HAUS4: variants seen among roughly 807,000 people sequenced by gnomAD.
The protein encoded by HAUS4 is HAUS augmin-like complex subunit 4.
Under a neutral mutation model 50.6 loss-of-function variants are expected in HAUS4, and 34 were observed. The observed-to-expected ratio is 0.67, with a 90% CI of 0.51 to 0.90. The LOEUF (loss-of-function observed/expected upper bound fraction) is 0.90. Among genes scored for constraint, HAUS4 ranks in the 40% least tolerant of loss-of-function variants. The pLI is 0.00. For missense variants in HAUS4, 370 were observed against 428.7 expected (o/e 0.86, Z 1.21); for synonymous variants, 149 against 161.4 (o/e 0.92, Z 0.58).
At chr14:22,950,137 A>C (rs534935621) in intron 6 of HAUS4, among the ~76,000 whole-genome samples, 177 bp downstream of exon 6, 50 of 151,788 alleles carry the variant, frequency 3.3e-4, no homozygotes, top group African/African-American at 5.8e-4. Context: ...TCAAAAAAAA[A>C]AAAAAACAAA....
chr14:22,949,446 G>T (rs565950678), intron 6 of HAUS4, among the ~76,000 whole-genome samples: 57 of 148,988 alleles, frequency 3.8e-4, no homozygotes, highest in African/African-American at 1.3e-3. Flanking sequence ...GGAGAATGGC[G>T]TGAACCTAGG....
chr14:22,954,247 T>C (rs1233956405), intron 2 of HAUS4: 1 of 152,220 alleles, frequency 6.6e-6, no homozygotes, highest in Non-Finnish European at 1.5e-5. Context: ...TACCTCTACT[T>C]GCCAAAACAC....
chr14:22,950,928 AT>A (rs1258727964), intron 5 of HAUS4, among the ~76,000 whole-genome samples: 2 of 152,246 alleles, frequency 1.3e-5, no homozygotes, highest in African/African-American at 4.8e-5. Flanking sequence ...TAACAGTGCT[AT>A]AGAAGCTATC....
In HAUS4 at chr14:22,955,156, T is replaced by C. The variant is rs769688282; in HGVS notation, c.-2A>G. On this transcript the variant is annotated 5_prime_UTR_variant, in exon 2 of 10. Coordinates refer to ENST00000541587, the MANE Select transcript of HAUS4 (RefSeq NM_001166269.2). The stretch of plus-strand genomic sequence containing the variant: ...TGAGCAGAAATCCCCGGATGCCATT[T>C]GATTTTCTTGGGATTCTAATCTGTG... 5 of 1,609,148 alleles carry C rather than the reference T, an allele frequency of 3.1e-6. No individual in the cohort carries two copies. Among genetic ancestry groups the C allele is most frequent in the Middle Eastern group, 3.3e-4 (2 of 6,054 alleles).
At chr14:22,951,453 T>C (rs2044750776) in intron 5 of HAUS4, 102 bp downstream of exon 5, 1 of 1,353,130 alleles carries the variant, frequency 7.4e-7, no homozygotes, top group Non-Finnish European at 1.0e-6. Context: ...TGAATGTGTA[T>C]CATTTTTACA....
chr14:22,948,577 C>T (rs1010036651), intron 6 of HAUS4, among the ~76,000 whole-genome samples: 3 of 151,756 alleles, frequency 2.0e-5, no homozygotes, highest in African/African-American at 7.3e-5. Flanking sequence ...TCACTGTCAC[C>T]TCGGCCGGAG....
chr14:22,948,252 C>T (rs989205471), intron 6 of HAUS4: 9 of 484,814 alleles, frequency 1.9e-5, no homozygotes, highest in African/African-American at 1.2e-4. Context: ...AGTTCAAGAC[C>T]GGCTTGGGCA....
chr14:22,946,784 T>TTC, intron 9 of HAUS4, 76 bp from the exon 10 acceptor site: 2 of 841,474 alleles, frequency 2.4e-6, no homozygotes, highest in Non-Finnish European at 3.4e-6. Flanking sequence ...TGAAAAACTT[T>TTC]TTTTTTTTTT....
chr14:22,947,601 C>G lies in HAUS4; in HGVS notation c.839G>C (p.Arg280Thr). The G allele has an allele frequency of 6.2e-7, 1 of 1,614,094 alleles. No homozygotes were observed. Among genetic ancestry groups the G allele is most frequent in the South Asian group, 1.1e-5 (1 of 91,070 alleles). ...VKCGAMILKLRMEELKILSDT... is the reference protein window; with the variant it reads ...VKCGAMILKLTMEELKILSDT... Reference sequence around the variant, plus strand: ...AAGATCCACAGGGGTCACAGCTCACCTCAGCTTAAGGATCATAGCACCGCA... The same window carrying G: ...AAGATCCACAGGGGTCACAGCTCACGTCAGCTTAAGGATCATAGCACCGCA... Residue 280 changes from arginine to threonine, a missense_variant and splice_region_variant, in exon 8 of 10, where the codon AGG (arginine) becomes ACG (threonine). Arg to Thr is a moderately conservative substitution (Grantham distance 71, BLOSUM62 -1). Transcript: ENST00000541587.
Position 22,955,140 on chromosome 14 carries a change from A to G in HAUS4, c.15T>C (p.Asp5=). Residue 5 remains aspartate, a synonymous_variant, in exon 2 of 10, where the codon GAT becomes GAC. Transcript: ENST00000541587. MASG[D]FCSPGEGMEI... is the part of the protein sequence containing the mutation. ...CCATCCCTTCTCCAGGTGAGCAGAA[A>G]TCCCCGGATGCCATTTGATTTTCTT... 6.2e-7 allele frequency: 1 copy of G among 1,611,928 alleles called. No individual in the cohort carries two copies.
intron 5 of HAUS4, 125 bp downstream of exon 5, chr14:22,951,430 A>G: frequency 9.4e-7 from 1 of 1,067,800 alleles, no homozygotes. Context: ...TTCTTATTTG[A>G]GTCTGACCAC....
At chr14:22,951,269 T>C (rs1297209132) in intron 5 of HAUS4, among the ~76,000 whole-genome samples, 1 of 151,944 alleles carries the variant, frequency 6.6e-6, no homozygotes, top group African/African-American at 2.4e-5. Context: ...CCTCCCAAAG[T>C]GCTACGATTA....
chr14:22,952,636 A>G lies in HAUS4; in HGVS notation c.103T>C (p.Leu35=). The G allele has an allele frequency of 1.2e-6, 2 of 1,613,408 alleles. No individual in the cohort carries two copies. The highest frequency in any genetic ancestry group is 4.5e-5 in the East Asian group (2 of 44,888). The part of the protein sequence containing the change: ...PPCNLSKEDL[L]QNPYFSKLLL... ...AGCTTGCTGAAGTATGGGTTCTGTA[A>G]CAGGTCCTCTTTACTCAGGTTACAA... is the stretch of plus-strand genomic sequence containing the variant. The change falls in exon 3 of 10, where the codon TTA becomes CTA. Residue 35 remains leucine (L), a synonymous_variant. Coordinates refer to ENST00000541587, the MANE Select transcript of HAUS4 (RefSeq NM_001166269.2).
Position 22,947,904 on chromosome 14 carries a change from C to T in HAUS4, c.672G>A (p.Met224Ile). Residue 224 changes from methionine (M) to isoleucine (I), a missense_variant, in exon 7 of 10, where the codon ATG (methionine) becomes ATA (isoleucine). By Grantham distance (10) the Met-to-Ile change is conservative. Coordinates refer to ENST00000541587, the MANE Select transcript of HAUS4 (RefSeq NM_001166269.2). ...CAGCACTCTTCTTCTCCAGCAGCAA[C>T]ATCTGCTCCTTCTGCTGGCTCTTGG... is the stretch of plus-strand genomic sequence containing the variant. ...QDAKSQQKEQ[M>I]LLLEKKSAAY... The T allele has an allele frequency of 6.2e-7, 1 of 1,614,120 alleles. No individual in the cohort carries two copies. Among genetic ancestry groups the T allele is most frequent in the Non-Finnish European group, 8.5e-7 (1 of 1,179,984 alleles).
chr14:22,947,926 T>G lies in HAUS4; in HGVS notation c.650A>C (p.Lys217Thr). Residue 217 changes from lysine (K) to threonine (T), a missense_variant, in exon 7 of 10, where the codon AAG becomes ACG. Coordinates refer to ENST00000541587, the MANE Select transcript of HAUS4 (RefSeq NM_001166269.2). ...CAACATCTGCTCCTTCTGCTGGCTC[T>G]TGGCATCCTGGCACTGCTGCTGCTC... is the stretch of plus-strand genomic sequence containing the variant. ...VGEQQQCQDA[K>T]SQQKEQMLLL... 1 of 1,614,146 alleles carries G rather than the reference T, an allele frequency of 6.2e-7. No individual in the cohort carries two copies. Among genetic ancestry groups the G allele is most frequent in the Non-Finnish European group, 8.5e-7 (1 of 1,180,012 alleles).
In HAUS4 at chr14:22,951,543, C is replaced by G. The variant is rs756450597; in HGVS notation, c.465+12G>C. ...CATTTCATTTATTTGGTTCCAATAT[C>G]TCCCCGCCAACCTCTGAGAGTGGCA... is the stretch of plus-strand genomic sequence containing the variant. On this transcript the variant is annotated intron_variant, in intron 5 of 9. Coordinates refer to ENST00000541587, the MANE Select transcript of HAUS4 (RefSeq NM_001166269.2). 5 of 1,613,458 alleles carry G rather than the reference C, an allele frequency of 3.1e-6. No individual in the cohort carries two copies. The highest frequency in any genetic ancestry group is 3.4e-6 in the Non-Finnish European group (4 of 1,179,700).
intron 2 of HAUS4, among the ~76,000 whole-genome samples, chr14:22,953,942 ATT>A (rs1783577293): frequency 6.6e-6 from 1 of 151,632 alleles, no homozygotes; most frequent in Admixed American, 6.6e-5. Context: ...TAATTTTTGT[ATT>A]TTTAGTAGGG....
chr14:22,948,167 G>A (rs1196704559), intron 6 of HAUS4, 154 bp from the exon 7 acceptor site: 3 of 781,708 alleles, frequency 3.8e-6, no homozygotes, highest in Non-Finnish European at 3.9e-6. Flanking sequence ...CCCCATTCTG[G>A]GCTGAGCATG....
chr14:22,947,948 G>A lies in HAUS4; in HGVS notation c.628C>T (p.Gln210Ter). The A allele has an allele frequency of 6.2e-7, 1 of 1,614,012 alleles. No individual in the cohort carries two copies. The highest frequency in any genetic ancestry group is 8.5e-7 in the Non-Finnish European group (1 of 1,179,964). The change falls in exon 7 of 10, where the codon CAG (glutamine) becomes TAG (stop). Residue 210 changes from glutamine (Q) to a stop codon, truncating the protein, a stop_gained. Coordinates refer to ENST00000541587, the MANE Select transcript of HAUS4 (RefSeq NM_001166269.2). LOFTEE classifies it high-confidence loss of function. ...CTCTTGGCATCCTGGCACTGCTGCT[G>A]CTCACCCACCAGGACCTCTGCGAGT... is the stretch of plus-strand genomic sequence containing the variant. ...WKLAEVLVGE[Q>*]QQCQDAKSQQ...
Sources: gnomAD v4.1 joint callset for allele counts (sites outside exome capture counted in the v4.1 genomes callset) on GRCh38, gnomAD v4.1.1 for gene constraint, MANE v1.5 for transcripts, NCBI Gene and HGNC (gene_info 2026-07-23, HGNC 2026-07-21) for gene names.